The following AAGAB variants were observed in gnomAD, a reference collection of about 807,000 sequenced individuals.
AAGAB encodes alpha and gamma adaptin binding protein.
Under a neutral mutation model 44.1 loss-of-function variants are expected in AAGAB, and 38 were observed. The ratio of observed to expected loss-of-function variants is 0.86; its 90% CI spans 0.67 to 1.13. The LOEUF is 1.13. Ranked by LOEUF, AAGAB falls within the 50% of genes most tolerant of loss-of-function variation. The probability of loss-of-function intolerance (pLI) is 0.00; values close to 1 mark genes in which losing one functional copy is unlikely to be tolerated. For missense variants in AAGAB, 450 were observed against 373.8 expected (o/e 1.20, Z -1.68); for synonymous variants, 131 against 131.8 (o/e 0.99, Z 0.04).
intron 6 of AAGAB, among the ~76,000 whole-genome samples, chr15:67,209,121 G>A (rs1963750704): frequency 6.6e-6 from 1 of 152,064 alleles, no homozygotes; most frequent in South Asian, 2.1e-4. Flanking sequence ...TTGAGGACAG[G>A]GACCTTGCCT....
chr15:67,241,040 T>TACACACACACACAC (rs10525823), intron 1 of AAGAB, among the ~76,000 whole-genome samples: 5,861 of 147,092 alleles, frequency 0.04, 130 homozygotes, highest in East Asian at 0.056. Context: ...TCTGTTCTCC[T>TACACACACACACAC]ACACACACAC....
intron 1 of AAGAB, among the ~76,000 whole-genome samples, chr15:67,240,972 T>C (rs558707960): frequency 6.6e-6 from 1 of 152,006 alleles, no homozygotes; most frequent in South Asian, 2.1e-4. Flanking sequence ...ATACTCTCTT[T>C]AGCATGAATT....
In AAGAB at chr15:67,232,869, A is replaced by C. The variant is rs151112996; in HGVS notation, c.452-972T>G. ...TGCTGCAAGGATGTTATCAGTGGCC[A>C]CTGTGGCTTTTTCATGAGAAGATTA... is the stretch of plus-strand genomic sequence containing the variant. On this transcript the variant is annotated intron_variant, in intron 4 of 9. Transcript: ENST00000261880. The C allele has an allele frequency of 7.8e-3, 1,336 of 171,948 alleles. 17 individuals carry two copies. Among genetic ancestry groups the C allele is most frequent in the African/African-American group, 0.029 (1,207 of 41,942 alleles). The allele number at this position is 171,948 out of a possible 1,614,324, so 10.7% of individuals were successfully genotyped here.
chr15:67,236,238 TA>T (rs35008448), intron 3 of AAGAB, among the ~76,000 whole-genome samples, 169 bp downstream of exon 3: 5 of 151,440 alleles, frequency 3.3e-5, no homozygotes, highest in Admixed American at 6.6e-5. Flanking sequence ...TATCCATTCT[TA>T]AAAAAAAAGT....
chr15:67,255,002 G>T, upstream of AAGAB: 1 of 1,548,084 alleles, frequency 6.5e-7, no homozygotes, highest in South Asian at 1.1e-5. Context: ...ACTTCCGAGC[G>T]AGGTCCCGCG....
chr15:67,253,655 G>A (rs1165749627), intron 1 of AAGAB, among the ~76,000 whole-genome samples: 2 of 151,872 alleles, frequency 1.3e-5, no homozygotes, highest in Non-Finnish European at 2.9e-5. Context: ...TCGGGAGACT[G>A]AGGCAGGAGG....
At chr15:67,209,635 G>T (rs983561407) in intron 5 of AAGAB, 91 bp from the exon 6 acceptor site, 3 of 1,027,818 alleles carry the variant, frequency 2.9e-6, no homozygotes, top group African/African-American at 1.6e-5. Flanking sequence ...CTACTTATTT[G>T]TTACCAAAGT....
chr15:67,255,139 T>A (rs1357094049), upstream of AAGAB: 1 of 622,122 alleles, frequency 1.6e-6, no homozygotes, highest in Non-Finnish European at 2.9e-6. Flanking sequence ...TGACTTACCC[T>A]GTAGGTTACG....
At chr15:67,246,907 G>A (rs960899726) in intron 1 of AAGAB, among the ~76,000 whole-genome samples, 2 of 152,226 alleles carry the variant, frequency 1.3e-5, no homozygotes, top group Non-Finnish European at 1.5e-5. Flanking sequence ...GGCCACCCAA[G>A]CCAGCAGCAG....
chr15:67,211,779 C>T (rs959045815), intron 5 of AAGAB, among the ~76,000 whole-genome samples: 10 of 152,126 alleles, frequency 6.6e-5, no homozygotes, highest in African/African-American at 1.9e-4. Flanking sequence ...CTCTGTTAGG[C>T]GTCCCCTAAA....
intron 5 of AAGAB, among the ~76,000 whole-genome samples, chr15:67,222,252 A>G (rs905585078): frequency 2.0e-4 from 28 of 138,950 alleles, no homozygotes; most frequent in East Asian, 6.3e-4. Context: ...GCACACACAC[A>G]CACACACACA....
intron 6 of AAGAB, 81 bp from the exon 7 acceptor site, chr15:67,208,739 T>C (rs757911123): frequency 2.1e-5 from 26 of 1,248,340 alleles, no homozygotes; most frequent in Non-Finnish European, 3.0e-5. Flanking sequence ...ACACTTTCAG[T>C]CCTTGGTTGG....
Position 67,231,834 on chromosome 15 carries a change from G to A in AAGAB, c.515C>T (p.Ser172Phe). The change falls in exon 5 of 10, where the codon TCC becomes TTC. Residue 172 changes from serine to phenylalanine, a missense_variant. Ser to Phe is a radical substitution (Grantham distance 155). Coordinates refer to ENST00000261880, the MANE Select transcript of AAGAB (RefSeq NM_024666.5). ...CTTACCATTCTTCATCACTACATTG[G>A]ACCACACATTGGCATTCAGGGCTTG... ...IVQALNANVW[S>F]NVVMKNDRNQ... 1 of 1,612,154 alleles carries A rather than the reference G, an allele frequency of 6.2e-7. No homozygotes were observed. Among genetic ancestry groups the A allele is most frequent in the East Asian group, 2.2e-5 (1 of 44,838 alleles).
intron 1 of AAGAB, among the ~76,000 whole-genome samples, chr15:67,250,517 ACAGTATCTTAGG>A (rs756059708): frequency 6.6e-6 from 1 of 152,146 alleles, no homozygotes; most frequent in Non-Finnish European, 1.5e-5. Context: ...AAGGGCAGGA[ACAGTATCTTAGG>A]CATTATTTTA....
chr15:67,236,606 C>T (rs949952804), intron 2 of AAGAB, 24 bp downstream of exon 2: 1 of 1,608,446 alleles, frequency 6.2e-7, no homozygotes, highest in East Asian at 2.2e-5. Context: ...CTTATTCAAG[C>T]CTTCATAGAA....
chr15:67,222,166 T>C (rs966985826), intron 5 of AAGAB, among the ~76,000 whole-genome samples: 2 of 151,940 alleles, frequency 1.3e-5, no homozygotes, highest in Non-Finnish European at 2.9e-5. Context: ...ATCCCTTGCC[T>C]CTCTCTTGCT....
At chr15:67,215,711 TA>T (rs896259913) in intron 5 of AAGAB, among the ~76,000 whole-genome samples, 1 of 152,246 alleles carries the variant, frequency 6.6e-6, no homozygotes, top group Non-Finnish European at 1.5e-5. Flanking sequence ...ACTGTTTGAA[TA>T]AAAAATTCTT....
chr15:67,209,973 A>AT (rs1394570020), intron 5 of AAGAB, among the ~76,000 whole-genome samples: 7 of 151,970 alleles, frequency 4.6e-5, no homozygotes, highest in African/African-American at 1.2e-4. Context: ...CCCTGAATAC[A>AT]TTTTTTTTAA....
chr15:67,234,145 T>G (rs1964409782), intron 4 of AAGAB, among the ~76,000 whole-genome samples: 1 of 151,122 alleles, frequency 6.6e-6, no homozygotes, highest in African/African-American at 2.4e-5. Context: ...CCCAGCTACT[T>G]GGGAGGCTGA....
Sources: gnomAD v4.1 joint callset for allele counts (sites outside exome capture counted in the v4.1 genomes callset) on GRCh38, gnomAD v4.1.1 for gene constraint, MANE v1.5 for transcripts, NCBI Gene and HGNC (gene_info 2026-07-23, HGNC 2026-07-21) for gene names.